The following FOXK2 variants were observed in gnomAD, a reference collection of about 807,000 sequenced individuals.
FOXK2 encodes forkhead box K2.
FOXK2 carries 24 observed loss-of-function variants against 53.3 expected under a neutral mutation model. The observed-to-expected ratio is 0.45, with a 90% CI of 0.33 to 0.63. The LOEUF is 0.63. Among genes scored for constraint, FOXK2 ranks in the 30% least tolerant of loss-of-function variants. The pLI, the probability that FOXK2 is intolerant of heterozygous loss-of-function variation, is 0.03. For synonymous variants in FOXK2, 505 were observed against 407.1 expected, an observed-to-expected ratio of 1.24 and a Z score of -2.89; for missense variants, 952 against 910.5, an observed-to-expected ratio of 1.05 and a Z score of -0.59.
chr17:82,523,465 T>A (rs1286570836), intron 1 of FOXK2, among the ~76,000 whole-genome samples: 1 of 149,384 alleles, frequency 6.7e-6, no homozygotes, highest in African/African-American at 2.4e-5. Context: ...ATAAATTGTT[T>A]AAAATCTTTT....
chr17:82,546,704 G>A (rs886951300), intron 1 of FOXK2, among the ~76,000 whole-genome samples: 2 of 152,176 alleles, frequency 1.3e-5, no homozygotes, highest in African/African-American at 4.8e-5. Flanking sequence ...CTGGGCTCAA[G>A]TGTTCCTCCC....
At chr17:82,529,411 A>G (rs1469882585) in intron 1 of FOXK2, among the ~76,000 whole-genome samples, 1 of 137,648 alleles carries the variant, frequency 7.3e-6, no homozygotes, top group Non-Finnish European at 1.6e-5. Flanking sequence ...TTTTTTCAAG[A>G]TGGAGTTCTG....
intron 1 of FOXK2, among the ~76,000 whole-genome samples, chr17:82,536,174 G>T (rs985478817): frequency 6.6e-6 from 1 of 152,102 alleles, no homozygotes; most frequent in Non-Finnish European, 1.5e-5. Context: ...TACGGTGCCC[G>T]GCCTGTGTTT....
At chr17:82,544,093 T>A (rs1044280445) in intron 1 of FOXK2, among the ~76,000 whole-genome samples, 2 of 152,050 alleles carry the variant, frequency 1.3e-5, no homozygotes, top group African/African-American at 4.8e-5. Flanking sequence ...TTGTTTTTTT[T>A]ATAGACATGA....
rs2044343496 is a variant in FOXK2, at chr17:82,520,044, C to T, written c.156C>T (p.Arg52=). 1.3e-6 allele frequency: 2 copies of T among 1,525,368 alleles called. No individual in the cohort carries two copies. Among genetic ancestry groups the T allele is most frequent in the Non-Finnish European group, 1.8e-6 (2 of 1,137,908 alleles). The allele number at this position is 1,525,368 out of a possible 1,614,324, so 94.5% of individuals were successfully genotyped here. Residue 52 remains arginine, a synonymous_variant, in exon 1 of 9, where the codon CGC becomes CGT. Coordinates refer to ENST00000335255, the MANE Select transcript of FOXK2 (RefSeq NM_004514.4). ...AGTTCGAGTATCTGATGAAGAAGCG[C>T]TCGGTGACCATCGGCCGCAACTCGT... ...GREFEYLMKK[R]SVTIGRNSSQ...
At chr17:82,521,599 C>T (rs1210771369) in intron 1 of FOXK2, among the ~76,000 whole-genome samples, 1 of 151,640 alleles carries the variant, frequency 6.6e-6, no homozygotes, top group Non-Finnish European at 1.5e-5. Flanking sequence ...AAAGGTGCAC[C>T]AGCATATTCC....
chr17:82,567,373 C>T (rs750504198), intron 2 of FOXK2, among the ~76,000 whole-genome samples: 3 of 152,324 alleles, frequency 2.0e-5, no homozygotes, highest in East Asian at 1.9e-4. Flanking sequence ...GCCCTTTAAT[C>T]GGCACAGAGA....
At chr17:82,560,466 G>A (rs908976727) in intron 1 of FOXK2, among the ~76,000 whole-genome samples, 3 of 152,186 alleles carry the variant, frequency 2.0e-5, no homozygotes, top group African/African-American at 7.2e-5. Context: ...TCACTGTGTG[G>A]CGCAGGCTGG....
At chr17:82,558,417 C>T (rs570162212) in intron 1 of FOXK2, among the ~76,000 whole-genome samples, 3 of 152,234 alleles carry the variant, frequency 2.0e-5, no homozygotes, top group Admixed American at 6.5e-5. Flanking sequence ...AGCACTCAGC[C>T]GGGTCTGGAC....
At chr17:82,568,719 A>G (rs965218104) in intron 3 of FOXK2, among the ~76,000 whole-genome samples, 4 of 152,222 alleles carry the variant, frequency 2.6e-5, no homozygotes, top group South Asian at 2.1e-4. Flanking sequence ...GTATAAAACA[A>G]TGGAATGCGG....
At chr17:82,555,328 C>G (rs1293793822) in intron 1 of FOXK2, among the ~76,000 whole-genome samples, 9 of 152,112 alleles carry the variant, frequency 5.9e-5, no homozygotes. Context: ...AGGATCTAAC[C>G]CCCGGCATCT....
At chr17:82,533,187 T>C (rs2044488653) in intron 1 of FOXK2, among the ~76,000 whole-genome samples, 1 of 152,138 alleles carries the variant, frequency 6.6e-6, no homozygotes, top group Non-Finnish European at 1.5e-5. Context: ...TACTCTAAAT[T>C]AACGATAAAA....
intron 1 of FOXK2, among the ~76,000 whole-genome samples, chr17:82,543,901 C>T (rs1302450908): frequency 2.0e-5 from 3 of 151,660 alleles, no homozygotes; most frequent in Non-Finnish European, 4.4e-5. Context: ...CTCAGCCTCC[C>T]GAGCAGCTGG....
chr17:82,589,723 G>A (rs915283431), intron 8 of FOXK2, among the ~76,000 whole-genome samples: 7 of 152,270 alleles, frequency 4.6e-5, no homozygotes, highest in Admixed American at 4.6e-4. Context: ...CAGCACTGAG[G>A]GCCTGTTTCC....
At chr17:82,587,003 G>T in intron 7 of FOXK2, 60 bp from the exon 8 acceptor site, 1 of 1,531,326 alleles carries the variant, frequency 6.5e-7, no homozygotes, top group South Asian at 1.1e-5. Flanking sequence ...GTTTTAAACT[G>T]GCAAGATTTT....
intron 2 of FOXK2, among the ~76,000 whole-genome samples, chr17:82,565,154 AC>A (rs1161991246): frequency 6.6e-6 from 1 of 152,174 alleles, no homozygotes; most frequent in Non-Finnish European, 1.5e-5. Flanking sequence ...CTTATCTTAT[AC>A]CGTGTGCAAA....
In FOXK2 at chr17:82,540,426, C is replaced by T. The variant is rs540848194; in HGVS notation, c.419+20119C>T. On this transcript the variant is annotated intron_variant, in intron 1 of 8. Coordinates refer to ENST00000335255, the MANE Select transcript of FOXK2 (RefSeq NM_004514.4). ...TGCACGATTGTTGTTTGTGGGTATG[C>T]GTCCTTCTGCACGTAATCTGTTTGA... 6.6e-5 allele frequency among the ~76,000 whole-genome samples: 10 copies of T among 152,296 alleles called. No homozygotes were observed. In the South Asian group the frequency reaches 1.4e-3, roughly 22 times the overall value.
rs897457414 is a variant in FOXK2, at chr17:82,597,765, C to T, written c.1787-3538C>T. Among the ~76,000 whole-genome samples the T allele has an allele frequency of 2.0e-5, 3 of 152,296 alleles. No homozygotes were observed. In the East Asian group the frequency reaches 5.8e-4, roughly 29 times the overall value. On this transcript the variant is annotated intron_variant, in intron 8 of 8. Coordinates refer to ENST00000335255, the MANE Select transcript of FOXK2 (RefSeq NM_004514.4). ...TCCTGGGTTCAAGCAATTCTCCTGC[C>T]TCAGCCTCCTGAGTAACTGAGATTA...
chr17:82,544,400 A>T (rs1013627999), intron 1 of FOXK2, among the ~76,000 whole-genome samples: 6 of 152,144 alleles, frequency 3.9e-5, no homozygotes, highest in African/African-American at 1.4e-4. Context: ...AGAAAGTCCT[A>T]GGGAAATGGC....
Sources: gnomAD v4.1 joint callset for allele counts (sites outside exome capture counted in the v4.1 genomes callset) on GRCh38, gnomAD v4.1.1 for gene constraint, MANE v1.5 for transcripts, NCBI Gene and HGNC (gene_info 2026-07-23, HGNC 2026-07-21) for gene names.